Variants in PRKN observed in about 807,000 individuals in gnomAD.
PRKN encodes the protein E3 ubiquitin-protein ligase parkin.
In PRKN, 56 loss-of-function variants were observed where a neutral mutation model predicts 59.5. That is an observed-to-expected ratio of 0.94 (90% CI 0.76 to 1.18). The LOEUF is 1.18. Ranked by LOEUF, PRKN falls within the 50% of genes most tolerant of loss-of-function variation. The pLI is 0.00. For missense variants in PRKN, 657 were observed against 596.4 expected, an observed-to-expected ratio of 1.10 and a Z score of -1.06; for synonymous variants, 250 against 222.1, an observed-to-expected ratio of 1.13 and a Z score of -1.12.
intron 1 of PRKN, among the ~76,000 whole-genome samples, chr6:162,538,934 C>T (rs1225771553): frequency 2.0e-5 from 3 of 152,176 alleles, no homozygotes; most frequent in Non-Finnish European, 4.4e-5. Flanking sequence ...AGGGCTTGTC[C>T]TGTCAGTCAA....
At chr6:162,469,349 CAGGGG>C (rs1474154320) in intron 1 of PRKN, among the ~76,000 whole-genome samples, 2 of 57,790 alleles carry the variant, frequency 3.5e-5, no homozygotes, top group Non-Finnish European at 3.3e-5. Context: ...GGGGGGGTTG[CAGGGG>C]GGGGTGGGTG....
At chr6:162,490,935 G>A (rs1792781699) in intron 1 of PRKN, among the ~76,000 whole-genome samples, 1 of 152,020 alleles carries the variant, frequency 6.6e-6, no homozygotes, top group South Asian at 2.1e-4. Flanking sequence ...GAAGCTCGAG[G>A]CCACCCTGGC....
At position 161,395,529 on chromosome 6, in the gene PRKN, T is replaced by G. The variant is rs1200688185; in HGVS notation, c.1084-8652A>C. ...GCTGGGTCCAAGGGCATATGGACTT[T>G]CCATTTTGATTGCTTTCGCGAGCCT... On this transcript the variant is annotated intron_variant, in intron 9 of 11. Transcript: ENST00000366898. The surrounding 1 kb of genome is among the most constrained non-coding windows in gnomAD (Gnocchi z 5.0). Among the ~76,000 whole-genome samples, 1 of 152,206 alleles carries G rather than the reference T, an allele frequency of 6.6e-6. No individual in the cohort carries two copies. Among genetic ancestry groups the G allele is most frequent in the Non-Finnish European group, 1.5e-5 (1 of 68,048 alleles).
intron 6 of PRKN, among the ~76,000 whole-genome samples, chr6:161,945,222 A>G (rs1790021): frequency 0.58 from 87,586 of 151,928 alleles, 25,777 homozygotes; most frequent in African/African-American, 0.7. Flanking sequence ...CCTATTGCTC[A>G]CATGCAGACA....
At chr6:162,050,684 G>A (rs1777598148) in intron 5 of PRKN, among the ~76,000 whole-genome samples, 1 of 152,114 alleles carries the variant, frequency 6.6e-6, no homozygotes, top group Non-Finnish European at 1.5e-5. Context: ...TTGGCACAGG[G>A]ACCATGACCT....
chr6:162,178,819 G>C (rs1783653801), intron 4 of PRKN, among the ~76,000 whole-genome samples: 1 of 152,076 alleles, frequency 6.6e-6, no homozygotes, highest in Non-Finnish European at 1.5e-5. Context: ...TTTCTATCTA[G>C]GTGTCTGATT....
intron 9 of PRKN, among the ~76,000 whole-genome samples, chr6:161,439,751 A>G (rs1789108627): frequency 6.6e-6 from 1 of 152,126 alleles, no homozygotes; most frequent in African/African-American, 2.4e-5. Context: ...CTTGCCATTA[A>G]TTAAGAAAAC....
intron 2 of PRKN, among the ~76,000 whole-genome samples, chr6:162,404,844 G>A (rs915556989): frequency 2.0e-5 from 3 of 152,088 alleles, no homozygotes; most frequent in Admixed American, 1.3e-4. Context: ...GAGCTACTGC[G>A]ACCGGCCACT....
intron 1 of PRKN, among the ~76,000 whole-genome samples, chr6:162,461,264 G>C (rs1791144905): frequency 6.6e-6 from 1 of 151,774 alleles, no homozygotes; most frequent in South Asian, 2.1e-4. Context: ...AACTTTAGGA[G>C]GCCGAGGCGG....
chr6:162,183,806 C>G (rs563706040), intron 4 of PRKN, among the ~76,000 whole-genome samples: 34 of 152,274 alleles, frequency 2.2e-4, no homozygotes, highest in Admixed American at 1.1e-3. Context: ...TACCATACAC[C>G]CCATTTATGC....
chr6:162,439,145 G>A (rs893437204), intron 2 of PRKN, among the ~76,000 whole-genome samples: 1 of 152,106 alleles, frequency 6.6e-6, no homozygotes, highest in Non-Finnish European at 1.5e-5. Flanking sequence ...TACTAGTGTT[G>A]GTGGGGACAA....
At chr6:162,257,240 G>A (rs1259611288) in intron 3 of PRKN, among the ~76,000 whole-genome samples, 1 of 152,178 alleles carries the variant, frequency 6.6e-6, no homozygotes, top group Non-Finnish European at 1.5e-5. Flanking sequence ...AGAGGCCGGG[G>A]TCAGTGGATT....
intron 1 of PRKN, among the ~76,000 whole-genome samples, chr6:162,566,077 T>C (rs1315406442): frequency 1.3e-5 from 2 of 152,090 alleles, no homozygotes; most frequent in Non-Finnish European, 2.9e-5. Context: ...CACCCAGATA[T>C]ATTAAGATAA....
chr6:161,750,113 A>ATATATG (rs1788618122), intron 7 of PRKN, among the ~76,000 whole-genome samples: 1 of 100,186 alleles, frequency 1.0e-5, no homozygotes, highest in African/African-American at 3.9e-5. Flanking sequence ...ATATATATAT[A>ATATATG]TATATACACA....
intron 2 of PRKN, among the ~76,000 whole-genome samples, chr6:162,279,386 G>GGAAA (rs1583306959): frequency 7.3e-6 from 1 of 137,388 alleles, no homozygotes; most frequent in African/African-American, 2.7e-5. Flanking sequence ...GGAGAGAGAG[G>GGAAA]GAAAGAAAGA....
chr6:161,774,641 C>T (rs759602717), intron 7 of PRKN, among the ~76,000 whole-genome samples: 6 of 152,166 alleles, frequency 3.9e-5, no homozygotes, highest in Admixed American at 1.3e-4. Flanking sequence ...TGGCAGGATT[C>T]GGGTCTGGGT....
intron 1 of PRKN, among the ~76,000 whole-genome samples, chr6:162,516,665 T>A (rs773510661): frequency 5.3e-5 from 8 of 150,650 alleles, no homozygotes; most frequent in Non-Finnish European, 1.2e-4. Flanking sequence ...CAGGAGGTTG[T>A]GGCATGAGAA....
intron 1 of PRKN, among the ~76,000 whole-genome samples, chr6:162,509,562 T>C (rs997406308): frequency 3.3e-5 from 5 of 152,172 alleles, no homozygotes; most frequent in African/African-American, 4.8e-5. Flanking sequence ...CAAAACATTA[T>C]ATACACATCC....
At chr6:162,578,277 T>C (rs909154331) in intron 1 of PRKN, among the ~76,000 whole-genome samples, 8 of 152,152 alleles carry the variant, frequency 5.3e-5, no homozygotes, top group African/African-American at 1.9e-4. Context: ...GCCTCTGTTT[T>C]AATTAAAAAT....
Sources: gnomAD v4.1 joint callset for allele counts (sites outside exome capture counted in the v4.1 genomes callset) on GRCh38, gnomAD v4.1.1 for gene constraint, Gnocchi (gnomAD v3.1) non-coding constraint, MANE v1.5 for transcripts, NCBI Gene and HGNC (gene_info 2026-07-23, HGNC 2026-07-21) for gene names.